Variants in SEC23B observed in about 807,000 individuals in gnomAD.
The protein encoded by SEC23B is SEC23 homolog B, COPII component.
Under a neutral mutation model 104.3 loss-of-function variants are expected in SEC23B, and 77 were observed. The observed-to-expected ratio is 0.74, with a 90% confidence interval of 0.61 to 0.89. The LOEUF is 0.89. SEC23B is among the 40% of genes least tolerant of loss of function. SEC23B has a pLI of 0.00. For missense variants in SEC23B, 885 were observed against 949.4 expected (o/e 0.93, Z 0.89); for synonymous variants, 338 against 332.5 (o/e 1.02, Z -0.18).
intron 4 of SEC23B, among the ~76,000 whole-genome samples, chr20:18,517,437 C>T (rs746517492): frequency 7.2e-5 from 11 of 152,150 alleles, no homozygotes; most frequent in Non-Finnish European, 1.5e-4. Context: ...GGAATGTCAT[C>T]AGTTAAGGCT....
intron 19 of SEC23B, among the ~76,000 whole-genome samples, chr20:18,557,745 C>CTT (rs11477198): frequency 2.5e-4 from 29 of 116,832 alleles, no homozygotes; most frequent in Middle Eastern, 4.8e-3. Context: ...TTTTTCTTTT[C>CTT]TTTTTTTTTT....
chr20:18,535,176 A>C (rs1291426140), intron 11 of SEC23B, among the ~76,000 whole-genome samples: 2 of 151,860 alleles, frequency 1.3e-5, no homozygotes, highest in Non-Finnish European at 2.9e-5. Flanking sequence ...TACCATGTAG[A>C]GACACCCCCT....
intron 9 of SEC23B, among the ~76,000 whole-genome samples, chr20:18,528,726 A>C (rs2060156087): frequency 6.6e-6 from 1 of 152,254 alleles, no homozygotes; most frequent in African/African-American, 2.4e-5. Flanking sequence ...CACATTTAAT[A>C]GTATGAATTC....
chr20:18,546,016 T>G lies in SEC23B; in HGVS notation c.1726T>G (p.Phe576Val). The G allele has an allele frequency of 1.9e-6, 3 of 1,558,490 alleles. No individual in the cohort carries two copies. The highest frequency in any genetic ancestry group is 2.7e-6 in the Non-Finnish European group (3 of 1,129,290). ...DPTSFRLSDS[F>V]SLYPQFMFHL... ...CACTTCTTTTAGGTTATCAGATTCC[T>G]TTTCTCTATATCCTCAGGTAAGTAA... The change falls in exon 15 of 20, where the codon TTT (phenylalanine) becomes GTT (valine). Residue 576 changes from phenylalanine to valine, a missense_variant. Physicochemically the swap from Phe to Val is conservative, Grantham distance 50. Coordinates refer to ENST00000650089, the MANE Select transcript of SEC23B (RefSeq NM_006363.6).
chr20:18,554,165 G>C, intron 17 of SEC23B, 70 bp from the exon 18 acceptor site: 2 of 1,558,028 alleles, frequency 1.3e-6, no homozygotes, highest in Non-Finnish European at 1.8e-6. Context: ...GGCGATGGTA[G>C]AATGTCAGTG....
At chr20:18,509,177 C>T (rs979083654) in intron 1 of SEC23B, among the ~76,000 whole-genome samples, 2 of 152,212 alleles carry the variant, frequency 1.3e-5, no homozygotes, top group African/African-American at 4.8e-5. Context: ...CCTGTGCACA[C>T]AGTGCTTCAG....
intron 17 of SEC23B, among the ~76,000 whole-genome samples, chr20:18,553,858 A>G (rs2060410553): frequency 6.6e-6 from 1 of 152,222 alleles, no homozygotes. Flanking sequence ...CTGTGTGGGC[A>G]GCCAACAAAT....
chr20:18,518,819 T>G (rs745470797), intron 4 of SEC23B, among the ~76,000 whole-genome samples: 4 of 152,122 alleles, frequency 2.6e-5, no homozygotes, highest in Non-Finnish European at 5.9e-5. Flanking sequence ...GTATGACTCC[T>G]GCTTCCTTTG....
intron 1 of SEC23B, among the ~76,000 whole-genome samples, chr20:18,508,716 C>CTTTTTTTTTTTTTTTTTT (rs398035473): frequency 6.2e-5 from 6 of 97,488 alleles, no homozygotes; most frequent in African/African-American, 2.5e-4. Flanking sequence ...GCAGTAGCTT[C>CTTTTTTTTTTTTTTTTTT]TTTTTTTTTT....
chr20:18,540,185 G>C (rs1045229368), intron 12 of SEC23B, among the ~76,000 whole-genome samples: 2 of 152,174 alleles, frequency 1.3e-5, no homozygotes, highest in Admixed American at 6.5e-5. Context: ...GAATCACTAG[G>C]TATGGCAGTT....
chr20:18,524,378 T>G lies in SEC23B; in HGVS notation c.367-55T>G, dbSNP rs1435770399. 5 of 1,319,286 alleles carry G rather than the reference T, an allele frequency of 3.8e-6. No homozygotes were observed. The East Asian group carries it at 1.1e-4, about 30-fold the overall frequency. 81.7% of individuals were successfully genotyped at this position (1,319,286 alleles called of 1,614,324 possible). A position where few individuals can be genotyped will look rare whatever the true frequency, so the allele number is the denominator to read the frequency against. On this transcript the variant is annotated intron_variant, in intron 4 of 19. Transcript: ENST00000650089. ...TTCATACCTAATTTGCCTTAAAAAG[T>G]GCTGGTTAAGTCTATTTGTATATTG...
intron 19 of SEC23B, among the ~76,000 whole-genome samples, chr20:18,558,345 ATG>A (rs1484885833): frequency 5.9e-5 from 9 of 152,072 alleles, no homozygotes; most frequent in Non-Finnish European, 8.8e-5. Flanking sequence ...TTCAGGGTGG[ATG>A]GGCAGGGGCA....
Position 18,560,704 on chromosome 20 carries a change from C to T in SEC23B, c.2268C>T (p.Asp756=), listed in dbSNP as rs530834583. Residue 756 remains aspartate, a synonymous_variant, in exon 20 of 20, where the codon GAC becomes GAT. Transcript: ENST00000650089. ...TDDVSLQVFM[D]HLKKLAVSSA... ...ATGTTAGCCTGCAGGTGTTCATGGA[C>T]CATTTGAAGAAGCTGGCTGTCTCCA... is the stretch of plus-strand genomic sequence containing the variant. 154 of 1,614,076 alleles carry T rather than the reference C, an allele frequency of 9.5e-5. No homozygotes were observed. The South Asian group carries it at 1.6e-3, about 16-fold the overall frequency.
intron 4 of SEC23B, among the ~76,000 whole-genome samples, chr20:18,523,538 G>A (rs1026451812): frequency 6.6e-5 from 10 of 151,450 alleles, no homozygotes; most frequent in African/African-American, 2.4e-4. Context: ...AAGTAGCTGG[G>A]ATTACAGGTG....
intron 5 of SEC23B, 55 bp downstream of exon 5, chr20:18,524,724 T>C (rs1452004514): frequency 1.4e-6 from 2 of 1,420,206 alleles, no homozygotes; most frequent in Non-Finnish European, 2.0e-6. Flanking sequence ...TAAAAGAGAC[T>C]GGGGTCTCTT....
chr20:18,507,938 T>C (rs1487055981), upstream of SEC23B: 1 of 152,562 alleles, frequency 6.6e-6, no homozygotes, highest in Non-Finnish European at 1.5e-5. Context: ...CGGAGCCTGC[T>C]TGTTGCAGCT....
At position 18,530,791 on chromosome 20, in the gene SEC23B, T is replaced by A. The variant is rs1244846130; in HGVS notation, c.1221T>A (p.Thr407=). 2 of 1,612,382 alleles carry A rather than the reference T, an allele frequency of 1.2e-6. No individual in the cohort carries two copies. The highest frequency in any genetic ancestry group is 1.7e-6 in the Non-Finnish European group (2 of 1,179,186). ...NGDFRMAFGA[T]LDVKTSRELK... ...ATTTCCGAATGGCATTTGGTGCTAC[T>A]TTGGACGTAAAGGTACGGTAAACTT... Residue 407 remains threonine, a synonymous_variant, in exon 10 of 20, where the codon ACT becomes ACA. Transcript: ENST00000650089.
chr20:18,526,484 CATG>C lies in SEC23B; in HGVS notation c.949_951del (p.Asp317del). ...ATTAAAGATTCCTATTCGTTCTTGG[CATG>C]ATATTGAGAAAGATAATGCACGATT... On this transcript the variant is annotated inframe_deletion, in exon 8 of 20. Transcript: ENST00000650089. The C allele has an allele frequency of 6.2e-7, 1 of 1,614,124 alleles. No individual in the cohort carries two copies.
Position 18,532,675 on chromosome 20 carries a change from A to T in SEC23B, c.1245A>T (p.Glu415Asp), listed in dbSNP as rs748503790. The change falls in exon 11 of 20, where the codon GAA becomes GAT. Residue 415 changes from glutamate (E) to aspartate (D), a missense_variant. Transcript: ENST00000650089. ...CATATTTGTTATAGACCTCTCGGGAACTGAAGATTGCAGGAGCCATTGGTC... is the reference window on the plus strand; with the variant it reads ...CATATTTGTTATAGACCTCTCGGGATCTGAAGATTGCAGGAGCCATTGGTC... ...GATLDVKTSR[E>D]LKIAGAIGPC... is the part of the protein sequence containing the mutation. The T allele has an allele frequency of 6.2e-7, 1 of 1,613,212 alleles. No individual in the cohort carries two copies. The highest frequency in any genetic ancestry group is 8.5e-7 in the Non-Finnish European group (1 of 1,179,216).
Sources: allele counts gnomAD v4.1 joint callset (sites outside exome capture counted in the v4.1 genomes callset), GRCh38; gene constraint gnomAD v4.1.1; transcripts MANE v1.5; gene names NCBI Gene and HGNC (gene_info 2026-07-23, HGNC 2026-07-21).